The following XKR6 variants were observed in gnomAD, a reference collection of about 807,000 sequenced individuals.
XKR6 encodes XK related 6, also known as XK-related protein 6.
A neutral mutation model predicts 56.7 loss-of-function variants in XKR6; 22 were observed. That is an observed-to-expected ratio of 0.39 (90% CI 0.28 to 0.55). XKR6 has a LOEUF of 0.55. XKR6 is among the 20% of genes least tolerant of loss of function. The pLI is 0.66. For missense variants in XKR6, 852 were observed against 889.0 expected (o/e 0.96, Z 0.53); for synonymous variants, 524 against 387.8 (o/e 1.35, Z -4.13).
chr8:11,039,142 G>C (rs1378600482), intron 1 of XKR6, among the ~76,000 whole-genome samples: 1 of 152,192 alleles, frequency 6.6e-6, no homozygotes, highest in African/African-American at 2.4e-5. Flanking sequence ...AGGACAAGAA[G>C]GGAAGCACAC....
At position 11,001,656 on chromosome 8, in the gene XKR6, C is replaced by T. The variant is rs369950774; in HGVS notation, c.765-76826G>A. ...CATTCCTGGAGATGAGGGTTGTAGC[C>T]GTTGCTGCACCGCAAAAGCTCAGGC... On this transcript the variant is annotated intron_variant, in intron 1 of 2. Coordinates refer to ENST00000416569, the MANE Select transcript of XKR6 (RefSeq NM_173683.4). Among the ~76,000 whole-genome samples, 137 of 152,308 alleles carry T rather than the reference C, an allele frequency of 9.0e-4. 1 individual carries two copies. Among genetic ancestry groups the T allele is most frequent in the African/African-American group, 3.2e-3 (133 of 41,560 alleles).
At chr8:11,140,244 C>A (rs150371817) in intron 1 of XKR6, among the ~76,000 whole-genome samples, 1 of 152,088 alleles carries the variant, frequency 6.6e-6, no homozygotes, top group Non-Finnish European at 1.5e-5. Context: ...AACAATGAAG[C>A]AATGGAACAG....
At chr8:11,048,565 C>T (rs896257890) in intron 1 of XKR6, among the ~76,000 whole-genome samples, 9 of 152,142 alleles carry the variant, frequency 5.9e-5, no homozygotes, top group Admixed American at 1.3e-4. Context: ...AGTGCCTCGG[C>T]GAAACCTGGA....
intron 1 of XKR6, among the ~76,000 whole-genome samples, chr8:11,174,169 C>T (rs1054950369): frequency 6.6e-5 from 10 of 152,228 alleles, no homozygotes; most frequent in Non-Finnish European, 1.5e-4. Context: ...ATGACTACAG[C>T]TGCCGATTAT....
intron 1 of XKR6, among the ~76,000 whole-genome samples, chr8:11,110,241 G>A (rs1227240184): frequency 6.6e-6 from 1 of 152,154 alleles, no homozygotes; most frequent in Non-Finnish European, 1.5e-5. Context: ...CCAAAGTGCT[G>A]GGATTACAGG....
chr8:11,027,137 A>G (rs186357803), intron 1 of XKR6, among the ~76,000 whole-genome samples: 2 of 152,224 alleles, frequency 1.3e-5, no homozygotes, highest in Non-Finnish European at 2.9e-5. Flanking sequence ...CCTGTACAGT[A>G]CAATACTGTA....
intron 1 of XKR6, chr8:11,175,417 T>C: frequency 5.6e-6 from 1 of 178,268 alleles, no homozygotes; most frequent in Non-Finnish European, 1.2e-5. Context: ...ACAGAGCTCA[T>C]GGCTGGACTA....
rs146735024 is a variant in XKR6 at position 11,154,480 on chromosome 8, TA to T, written c.764+46095del. Among the ~76,000 whole-genome samples the T allele has an allele frequency of 4.4e-3, 673 of 152,350 alleles. 5 individuals are homozygous for T. The highest frequency in any genetic ancestry group is 0.014 in the African/African-American group (597 of 41,582). ...GCTTCCTTTGGCTTCCTTTGATCTGTATCTTTTCCCTTTAATAAACCATAAC... is the reference window on the plus strand; with the variant it reads ...GCTTCCTTTGGCTTCCTTTGATCTGTTCTTTTCCCTTTAATAAACCATAAC... On this transcript the variant is annotated intron_variant, in intron 1 of 2. Transcript: ENST00000416569.
rs1211924216 is a variant in XKR6 at position 10,896,103 on chromosome 8, A to AT, written c.*1848dup. On this transcript the variant is annotated 3_prime_UTR_variant, in exon 3 of 3. Transcript: ENST00000416569. ...TGTGTTTATATATATATATATATAT[A>AT]TACTTATTATATATCTTTTTTGTGA... 6.7e-6 allele frequency: 1 copy of AT among 148,222 alleles called. No homozygotes were observed. The highest frequency in any genetic ancestry group is 2.5e-5 in the African/African-American group (1 of 40,804). The allele number at this position is 148,222 out of a possible 1,614,324, so 9.2% of individuals were successfully genotyped here.
intron 1 of XKR6, among the ~76,000 whole-genome samples, chr8:10,978,090 G>C (rs528376661): frequency 3.9e-5 from 6 of 152,134 alleles, no homozygotes; most frequent in African/African-American, 1.4e-4. Context: ...AAAGCAACTG[G>C]CCTCTATTTC....
At chr8:11,132,588 C>G (rs1234431846) in intron 1 of XKR6, among the ~76,000 whole-genome samples, 2 of 151,962 alleles carry the variant, frequency 1.3e-5, no homozygotes, top group African/African-American at 4.8e-5. Context: ...TTTTGAACTC[C>G]TGGCCTCAAG....
chr8:11,117,061 C>A (rs1306823706), intron 1 of XKR6, among the ~76,000 whole-genome samples: 1 of 152,186 alleles, frequency 6.6e-6, no homozygotes, highest in Non-Finnish European at 1.5e-5. Flanking sequence ...GAGTTAGTTA[C>A]AAATTTAGAC....
At chr8:11,104,595 A>T (rs544726425) in intron 1 of XKR6, 3 of 152,240 alleles carry the variant, frequency 2.0e-5, no homozygotes, top group Non-Finnish European at 4.4e-5. Flanking sequence ...TAATAAAAGT[A>T]GTTAATCACA....
chr8:11,105,763 A>C (rs1012799657), intron 1 of XKR6: 1 of 152,236 alleles, frequency 6.6e-6, no homozygotes, highest in Admixed American at 6.5e-5. Flanking sequence ...CAGCCACCCC[A>C]ACCTCAAGCA....
At chr8:11,091,051 G>A (rs571728113) in intron 1 of XKR6, among the ~76,000 whole-genome samples, 3 of 152,226 alleles carry the variant, frequency 2.0e-5, no homozygotes, top group African/African-American at 7.2e-5. Flanking sequence ...TCTCTCTTAG[G>A]TGAGAGGTAG....
rs572402127 is a variant in XKR6, at chr8:10,962,691, T to G, written c.765-37861A>C. On this transcript the variant is annotated intron_variant, in intron 1 of 2. Coordinates refer to ENST00000416569, the MANE Select transcript of XKR6 (RefSeq NM_173683.4). ...TCCAGCCTGGAGTGCAATGGCGTGA[T>G]CTCAGCTCATTGCAACCTCTGTCTC... 5.2e-4 allele frequency among the ~76,000 whole-genome samples: 79 copies of G among 152,200 alleles called. 1 individual carries two copies. Among genetic ancestry groups the G allele is most frequent in the African/African-American group, 1.8e-3 (74 of 41,524 alleles).
At chr8:10,932,711 T>C (rs1801095038) in intron 1 of XKR6, among the ~76,000 whole-genome samples, 1 of 130,966 alleles carries the variant, frequency 7.6e-6, no homozygotes, top group Admixed American at 7.3e-5. Flanking sequence ...TTACTGAGAA[T>C]GATGATTTCC....
At position 10,911,357 on chromosome 8, in the gene XKR6, A is replaced by G. The variant is rs865781478; in HGVS notation, c.962-12441T>C. ...TATATATATGTGTGTGTGTGTGTGTATATATATATATATAGACAGAGAGGG... is the reference window on the plus strand; with the variant it reads ...TATATATATGTGTGTGTGTGTGTGTGTATATATATATATAGACAGAGAGGG... On this transcript the variant is annotated intron_variant, in intron 2 of 2. Transcript: ENST00000416569. Among the ~76,000 whole-genome samples, 150 of 135,786 alleles carry G rather than the reference A, an allele frequency of 1.1e-3. 1 individual carries two copies. Among genetic ancestry groups the G allele is most frequent in the South Asian group, 2.3e-3 (10 of 4,372 alleles). 89.1% of individuals were successfully genotyped at this position (135,786 alleles called of 152,430 possible). A position where few individuals can be genotyped will look rare whatever the true frequency, so the allele number is the denominator to read the frequency against.
At position 10,986,643 on chromosome 8, in the gene XKR6, T is replaced by C. The variant is rs575635685; in HGVS notation, c.765-61813A>G. On this transcript the variant is annotated intron_variant, in intron 1 of 2. Transcript: ENST00000416569. ...AGGGAACAAGCTTTAGAATTATACA[T>C]ACCTGGGTTTAAATTGTTGTTCTAT... Among the ~76,000 whole-genome samples the C allele has an allele frequency of 9.8e-5, 15 of 152,320 alleles. No homozygotes were observed. The South Asian group carries it at 3.1e-3, about 32-fold the overall frequency.
Sources: allele counts gnomAD v4.1 joint callset (sites outside exome capture counted in the v4.1 genomes callset), GRCh38; gene constraint gnomAD v4.1.1; transcripts MANE v1.5; gene names NCBI Gene and HGNC (gene_info 2026-07-23, HGNC 2026-07-21).